Variants in SPAG16 observed in about 807,000 individuals in gnomAD.
SPAG16 encodes sperm-associated antigen 16 protein.
SPAG16 carries 86 observed loss-of-function variants against 80.4 expected under a neutral mutation model. That is an observed-to-expected ratio of 1.07 (90% confidence interval 0.90 to 1.28). The LOEUF (loss-of-function observed/expected upper bound fraction) is 1.28, where lower values mean the gene tolerates loss of function less well. Among genes scored for constraint, SPAG16 ranks in the 50% most tolerant of loss-of-function variants. The pLI is 0.00. For missense variants in SPAG16, 870 were observed against 765.3 expected, an observed-to-expected ratio of 1.14 and a Z score of -1.61; for synonymous variants, 294 against 265.9, an observed-to-expected ratio of 1.11 and a Z score of -1.03.
intron 12 of SPAG16, among the ~76,000 whole-genome samples, chr2:213,980,858 G>C (rs147128665): frequency 6.7e-6 from 1 of 148,402 alleles, no homozygotes; most frequent in Non-Finnish European, 1.5e-5. Context: ...GCAGTGAGCC[G>C]AGATCACACC....
At chr2:213,420,736 A>C (rs1043028517) in intron 9 of SPAG16, among the ~76,000 whole-genome samples, 2 of 152,244 alleles carry the variant, frequency 1.3e-5, no homozygotes, top group Non-Finnish European at 2.9e-5. Flanking sequence ...TTTGCTATAG[A>C]ATGGCTTATG....
At chr2:213,385,685 C>T (rs757802310) in intron 9 of SPAG16, among the ~76,000 whole-genome samples, 14 of 151,930 alleles carry the variant, frequency 9.2e-5, no homozygotes, top group Non-Finnish European at 1.6e-4. Flanking sequence ...GAGGTGTGCT[C>T]GTCTCTAAAA....
chr2:213,990,891 T>C (rs1466558815), intron 12 of SPAG16, among the ~76,000 whole-genome samples: 1 of 152,186 alleles, frequency 6.6e-6, no homozygotes, highest in Non-Finnish European at 1.5e-5. Flanking sequence ...TGAACCACTT[T>C]GTTTCCTCAC....
chr2:214,163,276 A>C (rs2056520992), intron 15 of SPAG16, among the ~76,000 whole-genome samples: 1 of 151,492 alleles, frequency 6.6e-6, no homozygotes, highest in Non-Finnish European at 1.5e-5. Flanking sequence ...AAGTTGGCAA[A>C]CCTTTTTATG....
intron 10 of SPAG16, among the ~76,000 whole-genome samples, chr2:213,777,773 G>C (rs1256042870): frequency 6.6e-6 from 1 of 152,128 alleles, no homozygotes; most frequent in Non-Finnish European, 1.5e-5. Context: ...CTGACCTCAA[G>C]TGATCTGCCT....
At position 213,407,931 on chromosome 2, in the gene SPAG16, GGA is replaced by G. The variant is rs1186109523; in HGVS notation, c.942+32818_942+32819del. Among the ~76,000 whole-genome samples the G allele has an allele frequency of 3.9e-5, 5 of 129,864 alleles. No individual in the cohort carries two copies. In the East Asian group the frequency reaches 9.5e-4, roughly 25 times the overall value. The allele number at this position is 129,864 out of a possible 152,430, so 85.2% of individuals were successfully genotyped here. On this transcript the variant is annotated intron_variant, in intron 9 of 15. Transcript: ENST00000331683. ...GGCAGAGAGAGAGACAGGAGAGAGA[GGA>G]GAGAGGCAGAGAGAGACAGGAGAGA...
intron 10 of SPAG16, among the ~76,000 whole-genome samples, chr2:213,545,744 T>C (rs1246932637): frequency 6.6e-6 from 1 of 152,172 alleles, no homozygotes; most frequent in African/African-American, 2.4e-5. Flanking sequence ...TTGGTGATCA[T>C]TGTCTCACCA....
At chr2:213,449,716 A>G (rs898556430) in intron 9 of SPAG16, among the ~76,000 whole-genome samples, 1 of 152,210 alleles carries the variant, frequency 6.6e-6, no homozygotes, top group Non-Finnish European at 1.5e-5. Context: ...TAATGACATC[A>G]TTTGTACACC....
intron 10 of SPAG16, among the ~76,000 whole-genome samples, chr2:213,728,836 C>T (rs988078562): frequency 7.8e-6 from 1 of 127,858 alleles, no homozygotes; most frequent in African/African-American, 3.1e-5. Context: ...GAGATTGCAC[C>T]ACTGCACTCC....
chr2:214,336,937 T>C (rs1472854955), intron 15 of SPAG16, among the ~76,000 whole-genome samples: 1 of 45,298 alleles, frequency 2.2e-5, no homozygotes, highest in Non-Finnish European at 1.1e-4. Context: ...TTCTCTGCTG[T>C]TGAATGAGGC....
chr2:213,285,326 A>G (rs961688310), intron 1 of SPAG16, among the ~76,000 whole-genome samples: 1 of 152,174 alleles, frequency 6.6e-6, no homozygotes, highest in African/African-American at 2.4e-5. Context: ...CAATGTGTGG[A>G]TAATTAGGTC....
chr2:214,092,092 A>T (rs894916820), intron 13 of SPAG16, among the ~76,000 whole-genome samples: 2 of 152,124 alleles, frequency 1.3e-5, no homozygotes, highest in African/African-American at 4.8e-5. Context: ...TTGACTATAT[A>T]GTAGGCAAAG....
At position 213,962,592 on chromosome 2, in the gene SPAG16, G is replaced by T. The variant is rs1357812900; in HGVS notation, c.1400+32447G>T. ...TATGGCCATCTGCAAATAAAGGAGA[G>T]AAGTCTCAGCAGAGATTAAACCTGA... On this transcript the variant is annotated intron_variant, in intron 12 of 15. Coordinates refer to ENST00000331683, the MANE Select transcript of SPAG16 (RefSeq NM_024532.5). 2.0e-5 allele frequency among the ~76,000 whole-genome samples: 3 copies of T among 152,336 alleles called. No homozygotes were observed. The South Asian group carries it at 6.2e-4, about 32-fold the overall frequency.
At position 213,350,850 on chromosome 2, in the gene SPAG16, G is replaced by A. The variant is rs116206501; in HGVS notation, c.762+205G>A. Among the ~76,000 whole-genome samples, 1,334 of 152,154 alleles carry A rather than the reference G, an allele frequency of 8.8e-3. 10 individuals carry two copies. The highest frequency in any genetic ancestry group is 0.031 in the Middle Eastern group (9 of 294). The stretch of plus-strand genomic sequence containing the variant: ...AGATTATTATAAAATTAGGCCAGGG[G>A]CAGTGGCTCATGCCTGTAATCCCAG... On this transcript the variant is annotated intron_variant, in intron 7 of 15. Transcript: ENST00000331683.
chr2:213,334,375 C>A (rs1219234778), intron 5 of SPAG16, among the ~76,000 whole-genome samples: 1 of 152,104 alleles, frequency 6.6e-6, no homozygotes, highest in African/African-American at 2.4e-5. Flanking sequence ...ATTAGTACAA[C>A]CACTGTGAAG....
intron 15 of SPAG16, among the ~76,000 whole-genome samples, chr2:214,338,383 G>T (rs1337955506): frequency 6.6e-6 from 1 of 152,024 alleles, no homozygotes. Flanking sequence ...GCATGGTGGT[G>T]CATGCCTGTA....
In SPAG16 at chr2:213,572,067, G is replaced by A. The variant is rs1196697386; in HGVS notation, c.1070+81977G>A. On this transcript the variant is annotated intron_variant, in intron 10 of 15. Transcript: ENST00000331683. The stretch of plus-strand genomic sequence containing the variant: ...CTTCTGCATTCTTCACGTAGTTCTC[G>A]AGCCTTGGTTTTCAGCTCCATCAGC... 1.5e-4 allele frequency among the ~76,000 whole-genome samples: 17 copies of A among 115,124 alleles called. No homozygotes were observed. The East Asian group carries it at 3.1e-3, about 21-fold the overall frequency. The allele number at this position is 115,124 out of a possible 152,430, so 75.5% of individuals were successfully genotyped here. A position where few individuals can be genotyped will look rare whatever the true frequency, so the allele number is the denominator to read the frequency against.
chr2:213,834,441 T>C (rs2073967060), intron 10 of SPAG16, among the ~76,000 whole-genome samples: 1 of 152,178 alleles, frequency 6.6e-6, no homozygotes, highest in South Asian at 2.1e-4. Context: ...GATCTAATAG[T>C]ATTAAACTAA....
chr2:213,935,702 G>A (rs2136777), intron 12 of SPAG16, among the ~76,000 whole-genome samples: 1 of 152,100 alleles, frequency 6.6e-6, no homozygotes, highest in Non-Finnish European at 1.5e-5. Flanking sequence ...TGTTAGCATT[G>A]ACCACATTTA....
Sources: gnomAD v4.1 joint callset for allele counts (sites outside exome capture counted in the v4.1 genomes callset) on GRCh38, gnomAD v4.1.1 for gene constraint, MANE v1.5 for transcripts, NCBI Gene and HGNC (gene_info 2026-07-23, HGNC 2026-07-21) for gene names.